CDH18: variants seen among roughly 807,000 people sequenced by gnomAD.
CDH18 encodes cadherin-18.
Under a neutral mutation model 67.9 loss-of-function variants are expected in CDH18, and 31 were observed. That is an observed-to-expected ratio of 0.46 (90% CI 0.34 to 0.62). CDH18 has a LOEUF of 0.62. Among genes scored for constraint, CDH18 ranks in the 20% least tolerant of loss-of-function variants. The probability of loss-of-function intolerance (pLI) is 0.01; values close to 1 mark genes in which losing one functional copy is unlikely to be tolerated. For missense variants in CDH18, 890 were observed against 975.5 expected (o/e 0.91, Z 1.17); for synonymous variants, 362 against 347.2 (o/e 1.04, Z -0.48).
At chr5:20,552,301 AC>A (rs913552908) in intron 1 of CDH18, among the ~76,000 whole-genome samples, 11 of 151,908 alleles carry the variant, frequency 7.2e-5, no homozygotes, top group African/African-American at 2.7e-4. Flanking sequence ...ACATGGTAAA[AC>A]CTCGTCTCTA....
At chr5:20,455,141 C>G (rs1278297168) in intron 1 of CDH18, among the ~76,000 whole-genome samples, 1 of 151,852 alleles carries the variant, frequency 6.6e-6, no homozygotes, top group Non-Finnish European at 1.5e-5. Flanking sequence ...TCATGGTAGG[C>G]TCAATAAATA....
chr5:20,250,518 G>A (rs1743762218), intron 2 of CDH18, among the ~76,000 whole-genome samples: 2 of 135,890 alleles, frequency 1.5e-5, no homozygotes, highest in African/African-American at 2.7e-5. Context: ...GTTTCGATCT[G>A]TTGACCTCGT....
intron 2 of CDH18, among the ~76,000 whole-genome samples, chr5:20,126,560 T>C (rs1748847507): frequency 6.6e-6 from 1 of 152,180 alleles, no homozygotes; most frequent in Non-Finnish European, 1.5e-5. Context: ...TTAAATTACA[T>C]ATCTGATAAA....
intron 2 of CDH18, among the ~76,000 whole-genome samples, chr5:20,232,641 A>G (rs1050441811): frequency 3.9e-5 from 6 of 152,058 alleles, no homozygotes; most frequent in Admixed American, 3.9e-4. Flanking sequence ...ACTTATTTAT[A>G]TAAGTTATAT....
chr5:20,392,555 T>C (rs751219390), intron 1 of CDH18, among the ~76,000 whole-genome samples: 92 of 152,024 alleles, frequency 6.1e-4, no homozygotes, highest in Non-Finnish European at 1.2e-3. Flanking sequence ...CAGTGAATAT[T>C]ATTTTCCCCT....
chr5:19,514,336 T>A (rs1392697624), intron 10 of CDH18, among the ~76,000 whole-genome samples: 1 of 152,246 alleles, frequency 6.6e-6, no homozygotes, highest in East Asian at 1.9e-4. Flanking sequence ...AGTAGCATGG[T>A]GTATAATCCT....
chr5:20,038,361 T>A (rs1207876331), intron 2 of CDH18, among the ~76,000 whole-genome samples: 3 of 152,128 alleles, frequency 2.0e-5, no homozygotes, highest in Non-Finnish European at 4.4e-5. Flanking sequence ...GAGGGTAGCA[T>A]CATCCTGATA....
intron 1 of CDH18, among the ~76,000 whole-genome samples, chr5:20,567,720 T>C (rs1758593297): frequency 6.6e-6 from 1 of 152,176 alleles, no homozygotes; most frequent in Non-Finnish European, 1.5e-5. Flanking sequence ...AGGAGAAATG[T>C]TCTTTCAAGA....
At chr5:20,370,892 C>T (rs1414551768) in intron 1 of CDH18, among the ~76,000 whole-genome samples, 1 of 152,072 alleles carries the variant, frequency 6.6e-6, no homozygotes, top group South Asian at 2.1e-4. Context: ...TGAAAAATAG[C>T]TGGGTGTGGT....
At chr5:20,053,894 G>A (rs1741671533) in intron 2 of CDH18, among the ~76,000 whole-genome samples, 2 of 152,098 alleles carry the variant, frequency 1.3e-5, no homozygotes, top group African/African-American at 4.8e-5. Flanking sequence ...TTCAAGGTGA[G>A]ACAATGCTCA....
At chr5:20,162,494 T>TAA (rs1448915666) in intron 2 of CDH18, among the ~76,000 whole-genome samples, 1 of 98,462 alleles carries the variant, frequency 1.0e-5, no homozygotes, top group Non-Finnish European at 2.0e-5. Flanking sequence ...GACATATATA[T>TAA]AATAGACATA....
chr5:19,490,394 GTTTTTTTT>G (rs70950073), intron 11 of CDH18, among the ~76,000 whole-genome samples: 83 of 60,178 alleles, frequency 1.4e-3, no homozygotes, highest in Non-Finnish European at 2.1e-3. Context: ...ATAAAAATCT[GTTTTTTTT>G]TTTTTTTTTT....
intron 2 of CDH18, among the ~76,000 whole-genome samples, chr5:19,871,228 A>G (rs945129582): frequency 2.0e-5 from 3 of 152,108 alleles, no homozygotes; most frequent in African/African-American, 7.2e-5. Context: ...TCCTTTTTGT[A>G]TTTTCAGAAT....
chr5:19,737,423 C>T (rs1768490794), intron 4 of CDH18, among the ~76,000 whole-genome samples: 1 of 152,170 alleles, frequency 6.6e-6, no homozygotes, highest in Non-Finnish European at 1.5e-5. Context: ...TGCCTGGTCA[C>T]TATGCCTTGA....
At chr5:20,143,557 G>A (rs1750410360) in intron 2 of CDH18, among the ~76,000 whole-genome samples, 1 of 151,864 alleles carries the variant, frequency 6.6e-6, no homozygotes, top group African/African-American at 2.4e-5. Context: ...CTTTAATGAT[G>A]GGGGTGTTGC....
intron 1 of CDH18, among the ~76,000 whole-genome samples, chr5:20,550,254 GA>G (rs1208167138): frequency 2.6e-5 from 4 of 152,090 alleles, no homozygotes; most frequent in African/African-American, 9.7e-5. Context: ...GTGTATTTTA[GA>G]AATTGTTAAT....
At chr5:20,147,728 T>A (rs2126552424) in intron 2 of CDH18, among the ~76,000 whole-genome samples, 1 of 152,276 alleles carries the variant, frequency 6.6e-6, no homozygotes, top group Admixed American at 6.5e-5. Flanking sequence ...AGAACTTTCC[T>A]TTTCTGTTTG....
At chr5:20,226,791 T>C (rs1159377450) in intron 2 of CDH18, among the ~76,000 whole-genome samples, 1 of 151,942 alleles carries the variant, frequency 6.6e-6, no homozygotes. Flanking sequence ...CCACTGGAAA[T>C]ATATAAACTG....
At chr5:20,336,724 CAAAAAAAAAAAAAAAAA>C (rs59083214) in intron 1 of CDH18, among the ~76,000 whole-genome samples, 2 of 63,472 alleles carry the variant, frequency 3.2e-5, no homozygotes, top group South Asian at 1.5e-3. Context: ...GCCTCTGTCT[CAAAAAAAAAAAAAAAAA>C]AAAAAAAAAA....
Sources: allele counts gnomAD v4.1 joint callset (sites outside exome capture counted in the v4.1 genomes callset), GRCh38; gene constraint gnomAD v4.1.1; transcripts MANE v1.5; gene names NCBI Gene and HGNC (gene_info 2026-07-23, HGNC 2026-07-21).